The following RCOR1 variants were observed in gnomAD, a reference collection of about 807,000 sequenced individuals.
The protein encoded by RCOR1 is REST corepressor 1.
Under a neutral mutation model 64.0 loss-of-function variants are expected in RCOR1, and 12 were observed. The ratio of observed to expected loss-of-function variants is 0.19; its 90% CI spans 0.12 to 0.30. The LOEUF (loss-of-function observed/expected upper bound fraction) is 0.30, where lower values mean the gene tolerates loss of function less well. Among genes scored for constraint, RCOR1 ranks in the 10% least tolerant of loss-of-function variants. The pLI is 1.00. For synonymous variants in RCOR1, 279 were observed against 227.2 expected (o/e 1.23, Z -2.05); for missense variants, 502 against 621.2 (o/e 0.81, Z 2.04).
In RCOR1 at chr14:102,725,725, G is replaced by A. The variant is rs145930664; in HGVS notation, c.1420-743G>A. 2.9e-3 allele frequency among the ~76,000 whole-genome samples: 444 copies of A among 152,132 alleles called. 2 individuals are homozygous for A. The highest frequency in any genetic ancestry group is 5.2e-3 in the Admixed American group (79 of 15,282). On this transcript the variant is annotated intron_variant, in intron 11 of 11. Transcript: ENST00000262241. ...CAAGTAGCTGGGACTACAGGTGTGCGCCACCACGCACGGCCAATATTTCTT... is the reference window on the plus strand; with the variant it reads ...CAAGTAGCTGGGACTACAGGTGTGCACCACCACGCACGGCCAATATTTCTT...
At chr14:102,648,898 G>A (rs1234205712) in intron 2 of RCOR1, among the ~76,000 whole-genome samples, 2 of 152,076 alleles carry the variant, frequency 1.3e-5, no homozygotes, top group South Asian at 2.1e-4. Context: ...AGCTGTGTAG[G>A]CATTCACCAG....
At chr14:102,679,538 G>A (rs1283235038) in intron 2 of RCOR1, among the ~76,000 whole-genome samples, 1 of 151,494 alleles carries the variant, frequency 6.6e-6, no homozygotes, top group African/African-American at 2.4e-5. Flanking sequence ...GAGTGCAGTG[G>A]TGCAATCTTG....
chr14:102,647,896 C>A (rs993065642), intron 2 of RCOR1, among the ~76,000 whole-genome samples: 1 of 151,640 alleles, frequency 6.6e-6, no homozygotes, highest in Admixed American at 6.6e-5. Context: ...CCAGGCTGAT[C>A]TCAAACTTCT....
At chr14:102,695,269 CTTCA>C (rs1464455922) in intron 3 of RCOR1, 1 of 152,212 alleles carries the variant, frequency 6.6e-6, no homozygotes, top group Non-Finnish European at 1.5e-5. Flanking sequence ...GTTCTATTAA[CTTCA>C]TTCAAGCTAG....
intron 2 of RCOR1, among the ~76,000 whole-genome samples, chr14:102,615,287 C>G (rs1440007314): frequency 6.7e-6 from 1 of 148,284 alleles, no homozygotes; most frequent in African/African-American, 2.5e-5. Context: ...TGTATGTCGT[C>G]ATGCCTGGCT....
chr14:102,644,425 A>G (rs1490886235), intron 2 of RCOR1, among the ~76,000 whole-genome samples: 4 of 152,208 alleles, frequency 2.6e-5, no homozygotes, highest in Admixed American at 1.3e-4. Flanking sequence ...TCCCTGTGGG[A>G]TGACATGAGA....
chr14:102,627,438 C>G (rs1179216488), intron 2 of RCOR1, among the ~76,000 whole-genome samples: 3 of 152,218 alleles, frequency 2.0e-5, no homozygotes, highest in African/African-American at 7.2e-5. Context: ...TGGCGGATCA[C>G]CTGAGGTCAG....
chr14:102,692,770 T>C (rs1487135989), intron 3 of RCOR1, among the ~76,000 whole-genome samples: 1 of 136,764 alleles, frequency 7.3e-6, no homozygotes, highest in East Asian at 2.0e-4. Flanking sequence ...TTCTTTTTCT[T>C]TTTTTTTTTT....
chr14:102,619,208 G>A (rs1325195521), intron 2 of RCOR1, among the ~76,000 whole-genome samples: 2 of 151,992 alleles, frequency 1.3e-5, no homozygotes, highest in African/African-American at 4.8e-5. Context: ...TGCAACCTCC[G>A]CCTCCCAGGT....
intron 8 of RCOR1, 29 bp downstream of exon 8, chr14:102,714,646 A>G (rs555625097): frequency 1.3e-6 from 2 of 1,526,304 alleles, no homozygotes; most frequent in Non-Finnish European, 1.8e-6. Flanking sequence ...TTGGATGTAA[A>G]AGAATTAATT....
chr14:102,658,863 T>C (rs1479464315), intron 2 of RCOR1, among the ~76,000 whole-genome samples: 1 of 152,222 alleles, frequency 6.6e-6, no homozygotes. Flanking sequence ...ATTCATATGA[T>C]TGGAGTGGTG....
chr14:102,727,493 A>G lies in RCOR1; in HGVS notation c.*987A>G, dbSNP rs1192811466. ...GGGAGAGCTTGCTGCAGATTCTGAC[A>G]GTGCAGATTTTAAATGTCAGGATAT... On this transcript the variant is annotated 3_prime_UTR_variant, in exon 12 of 12. Transcript: ENST00000262241. The G allele has an allele frequency of 6.6e-6, 1 of 152,442 alleles. No individual in the cohort carries two copies. The highest frequency in any genetic ancestry group is 1.5e-5 in the Non-Finnish European group (1 of 68,028). The allele number at this position is 152,442 out of a possible 1,614,324, so 9.4% of individuals were successfully genotyped here.
intron 2 of RCOR1, among the ~76,000 whole-genome samples, chr14:102,636,124 G>C (rs1210326795): frequency 6.6e-6 from 1 of 151,430 alleles, no homozygotes; most frequent in Non-Finnish European, 1.5e-5. Context: ...ATTTTTAGTA[G>C]AGATGGGGTT....
chr14:102,699,288 CTGAG>C (rs1567439944), intron 3 of RCOR1, among the ~76,000 whole-genome samples: 1 of 152,194 alleles, frequency 6.6e-6, no homozygotes. Context: ...TTACTGTAAT[CTGAG>C]TGAAGTAACC....
intron 2 of RCOR1, chr14:102,649,893 A>T: frequency 1.7e-6 from 1 of 598,412 alleles, no homozygotes; most frequent in Non-Finnish European, 2.1e-6. Context: ...GAAAGGTGAG[A>T]GCTTAAAGAA....
Position 102,605,656 on chromosome 14 carries a change from G to T in RCOR1, c.361+12331G>T, listed in dbSNP as rs369757468. On this transcript the variant is annotated intron_variant, in intron 2 of 11. Transcript: ENST00000262241. ...TGGTAATGACAATAACTGTATTACT[G>T]GTTTGTGGATTTACTATGCTATACT... 2.2e-4 allele frequency among the ~76,000 whole-genome samples: 33 copies of T among 152,244 alleles called. No homozygotes were observed. In the South Asian group the frequency reaches 3.7e-3, roughly 17 times the overall value.
rs529567206 is a variant in RCOR1 at position 102,640,609 on chromosome 14, A to T, written c.362-41286A>T. Among the ~76,000 whole-genome samples the T allele has an allele frequency of 1.7e-4, 26 of 152,338 alleles. No homozygotes were observed. The South Asian group carries it at 4.1e-3, about 24-fold the overall frequency. Reference sequence around the variant, plus strand: ...AAATTTCAAAAAAGTTTAGAATGAGATGTAATTGAGGTCACATAGCTCTTT... The same window carrying T: ...AAATTTCAAAAAAGTTTAGAATGAGTTGTAATTGAGGTCACATAGCTCTTT... On this transcript the variant is annotated intron_variant, in intron 2 of 11. Coordinates refer to ENST00000262241, the MANE Select transcript of RCOR1 (RefSeq NM_015156.4).
intron 2 of RCOR1, among the ~76,000 whole-genome samples, chr14:102,593,907 G>C (rs1221936015): frequency 6.6e-6 from 1 of 152,230 alleles, no homozygotes; most frequent in Admixed American, 6.5e-5. Flanking sequence ...CTGGGGAAGA[G>C]AGTCTCGCGT....
chr14:102,602,128 C>A (rs1193997173), intron 2 of RCOR1, among the ~76,000 whole-genome samples: 1 of 149,810 alleles, frequency 6.7e-6, no homozygotes, highest in African/African-American at 2.5e-5. Flanking sequence ...CACTGCACTC[C>A]AGACTGGACG....
Sources: allele counts gnomAD v4.1 joint callset (sites outside exome capture counted in the v4.1 genomes callset), GRCh38; gene constraint gnomAD v4.1.1; transcripts MANE v1.5; gene names NCBI Gene and HGNC (gene_info 2026-07-23, HGNC 2026-07-21).